ZNF490: variants seen among roughly 807,000 people sequenced by gnomAD.
ZNF490 encodes zinc finger protein 490.
A neutral mutation model predicts 17.7 loss-of-function variants in ZNF490; 11 were observed. The observed-to-expected ratio is 0.62, with a 90% CI of 0.39 to 1.03. The LOEUF is 1.03. Ranked by LOEUF, ZNF490 falls within the 50% of genes least tolerant of loss-of-function variation. ZNF490 has a pLI of 0.00. For synonymous variants in ZNF490, 222 were observed against 216.1 expected, an observed-to-expected ratio of 1.03 and a Z score of -0.24; for missense variants, 542 against 643.4, an observed-to-expected ratio of 0.84 and a Z score of 1.71.
chr19:12,578,274 C>T lies in ZNF490; in HGVS notation c.*2211G>A, dbSNP rs1217315736. The T allele has an allele frequency of 1.0e-6, 1 of 985,456 alleles. No individual in the cohort carries two copies. The highest frequency in any genetic ancestry group is 1.2e-6 in the Non-Finnish European group (1 of 830,068). 61.0% of individuals were successfully genotyped at this position (985,456 alleles called of 1,614,324 possible). ...AAGCAAGTTAGGGGAGGTAAGAATT[C>T]TGAGTGTCCTACAGCTAAGACATGG... On this transcript the variant is annotated 3_prime_UTR_variant, in exon 5 of 5. Transcript: ENST00000311437.
chr19:12,588,211 C>A (rs921939053), intron 2 of ZNF490, among the ~76,000 whole-genome samples: 3 of 151,754 alleles, frequency 2.0e-5, no homozygotes, highest in Non-Finnish European at 4.4e-5. Flanking sequence ...GTTGGTTAGG[C>A]TGGTGGCAAA....
intron 2 of ZNF490, among the ~76,000 whole-genome samples, chr19:12,588,278 T>A (rs2022825808): frequency 1.3e-5 from 2 of 152,200 alleles, no homozygotes; most frequent in African/African-American, 4.8e-5. Context: ...ATTACAAGCA[T>A]GAACCACCAT....
chr19:12,582,288 C>T (rs1374946115), intron 4 of ZNF490, among the ~76,000 whole-genome samples: 5 of 151,548 alleles, frequency 3.3e-5, no homozygotes, highest in African/African-American at 9.7e-5. Flanking sequence ...GACAGGTTTT[C>T]ACTATGTTGA....
In ZNF490 at chr19:12,577,648, T is replaced by C; in HGVS notation, c.*2837A>G. On this transcript the variant is annotated 3_prime_UTR_variant, in exon 5 of 5. Coordinates refer to ENST00000311437, the MANE Select transcript of ZNF490 (RefSeq NM_020714.3). ...GGCCTCATCTGCCAGCAAACCTTGC[T>C]CCAGTCGGCCTCTGGACCCTAGTAT... 1 of 985,420 alleles carries C rather than the reference T, an allele frequency of 1.0e-6. No individual in the cohort carries two copies. The highest frequency in any genetic ancestry group is 4.7e-5 in the South Asian group (1 of 21,290). The allele number at this position is 985,420 out of a possible 1,614,324, so 61.0% of individuals were successfully genotyped here.
intron 2 of ZNF490, among the ~76,000 whole-genome samples, chr19:12,599,959 T>C (rs2022981774): frequency 2.0e-5 from 3 of 152,208 alleles, no homozygotes; most frequent in African/African-American, 7.2e-5. Flanking sequence ...AACACTAACC[T>C]GCTCTTTAAC....
intron 2 of ZNF490, among the ~76,000 whole-genome samples, chr19:12,603,289 C>A (rs2023028590): frequency 6.6e-6 from 1 of 152,010 alleles, no homozygotes; most frequent in East Asian, 1.9e-4. Flanking sequence ...GAGTTCAAGA[C>A]CAGCCTGGGC....
chr19:12,600,790 T>A (rs1461642047), intron 2 of ZNF490, among the ~76,000 whole-genome samples: 1 of 152,124 alleles, frequency 6.6e-6, no homozygotes, highest in East Asian at 1.9e-4. Context: ...TTAGATAACT[T>A]TGGAGATTGT....
intron 2 of ZNF490, among the ~76,000 whole-genome samples, chr19:12,598,477 C>T (rs2022961753): frequency 1.3e-5 from 2 of 150,676 alleles, no homozygotes; most frequent in South Asian, 4.2e-4. Context: ...CGGGTTCAAG[C>T]GATTCTCCCG....
chr19:12,609,060 C>T (rs890782605), intron 2 of ZNF490, 98 bp downstream of exon 2: 9 of 1,219,132 alleles, frequency 7.4e-6, no homozygotes, highest in African/African-American at 1.5e-5. Flanking sequence ...CACAAAGACC[C>T]GAAAGACCCC....
rs1052538401 is a variant in ZNF490 at position 12,578,187 on chromosome 19, G to A, written c.*2298C>T. ...TGACATGCACTGACGTGAGAAGGCC[G>A]GAGCATCATCAGTGCATATGCCGCT... On this transcript the variant is annotated 3_prime_UTR_variant, in exon 5 of 5. Transcript: ENST00000311437. 49 of 985,326 alleles carry A rather than the reference G, an allele frequency of 5.0e-5. No homozygotes were observed. The African/African-American group carries it at 7.0e-4, about 14-fold the overall frequency. The allele number at this position is 985,326 out of a possible 1,614,324, so 61.0% of individuals were successfully genotyped here. A position where few individuals can be genotyped will look rare whatever the true frequency, so the allele number is the denominator to read the frequency against.
chr19:12,579,313 G>C lies in ZNF490; in HGVS notation c.*1172C>G, dbSNP rs528757464. On this transcript the variant is annotated 3_prime_UTR_variant, in exon 5 of 5. Transcript: ENST00000311437. ...CGCCTGTAATCCCAGCACTTTGGGA[G>C]GCCAAGGCAGGTGGATTACCTGAGG... is the stretch of plus-strand genomic sequence containing the variant. The C allele has an allele frequency of 6.6e-6, 1 of 151,764 alleles. No homozygotes were observed. Among genetic ancestry groups the C allele is most frequent in the African/African-American group, 2.4e-5 (1 of 41,358 alleles). The allele number at this position is 151,764 out of a possible 1,614,324, so 9.4% of individuals were successfully genotyped here. A position where few individuals can be genotyped will look rare whatever the true frequency, so the allele number is the denominator to read the frequency against.
chr19:12,593,576 A>G (rs944861014), intron 2 of ZNF490, among the ~76,000 whole-genome samples: 1 of 152,172 alleles, frequency 6.6e-6, no homozygotes, highest in African/African-American at 2.4e-5. Flanking sequence ...CTTTTACTAC[A>G]AAGGTGCAAC....
rs922152276 is a variant in ZNF490, at chr19:12,576,826, A to C, written c.*3659T>G. On this transcript the variant is annotated 3_prime_UTR_variant, in exon 5 of 5. Coordinates refer to ENST00000311437, the MANE Select transcript of ZNF490 (RefSeq NM_020714.3). Reference sequence around the variant, plus strand: ...GAGAATCCATCTCAAAAAAAAAAAAAAAAAAAAAAACCTAAAAGCATTCCA... The same window carrying C: ...GAGAATCCATCTCAAAAAAAAAAAACAAAAAAAAAACCTAAAAGCATTCCA... Among the ~76,000 whole-genome samples the C allele has an allele frequency of 6.0e-5, 9 of 151,128 alleles. No homozygotes were observed. Among genetic ancestry groups the C allele is most frequent in the Non-Finnish European group, 1.2e-4 (8 of 67,822 alleles).
Position 12,578,143 on chromosome 19 carries a change from T to C in ZNF490, c.*2342A>G. ...TCTTAGCGGGAGGCTAGGAAACCAG[T>C]CCTGGAGCAGGATGCATGTGACATG... On this transcript the variant is annotated 3_prime_UTR_variant, in exon 5 of 5. Transcript: ENST00000311437. 1.0e-6 allele frequency: 1 copy of C among 985,458 alleles called. No homozygotes were observed. Among genetic ancestry groups the C allele is most frequent in the Non-Finnish European group, 1.2e-6 (1 of 830,026 alleles). The allele number at this position is 985,458 out of a possible 1,614,324, so 61.0% of individuals were successfully genotyped here. A position where few individuals can be genotyped will look rare whatever the true frequency, so the allele number is the denominator to read the frequency against.
intron 2 of ZNF490, among the ~76,000 whole-genome samples, chr19:12,590,774 T>A (rs1012527556): frequency 6.6e-6 from 1 of 152,118 alleles, no homozygotes; most frequent in African/African-American, 2.4e-5. Context: ...AGTCAACTGA[T>A]CTTTGATGAA....
At position 12,576,878 on chromosome 19, in the gene ZNF490, TAC is replaced by T. The variant is rs1023309898; in HGVS notation, c.*3605_*3606del. On this transcript the variant is annotated 3_prime_UTR_variant, in exon 5 of 5. Transcript: ENST00000311437. ...ATTTAAAAATATATATAAATATATA[TAC>T]ACACAGCCCTCTAGACAAATATACA... Among the ~76,000 whole-genome samples, 20 of 138,312 alleles carry T rather than the reference TAC, an allele frequency of 1.4e-4. No homozygotes were observed. Among genetic ancestry groups the T allele is most frequent in the African/African-American group, 3.1e-4 (11 of 36,050 alleles). The allele number at this position is 138,312 out of a possible 152,430, so 90.7% of individuals were successfully genotyped here.
At chr19:12,589,181 T>C (rs897814995) in intron 2 of ZNF490, among the ~76,000 whole-genome samples, 2 of 151,822 alleles carry the variant, frequency 1.3e-5, no homozygotes, top group Admixed American at 1.3e-4. Context: ...ACAAAAATAC[T>C]CTCTCATGTA....
At chr19:12,600,690 A>G (rs952250852) in intron 2 of ZNF490, among the ~76,000 whole-genome samples, 5 of 152,180 alleles carry the variant, frequency 3.3e-5, no homozygotes, top group Non-Finnish European at 5.9e-5. Flanking sequence ...TTTGTCATCC[A>G]TAAATAATTG....
Position 12,577,884 on chromosome 19 carries a change from G to A in ZNF490, c.*2601C>T. ...AAACACACTGACTTGCTAAGAAAAG[G>A]GGGGACTGACTCCAACAAAGGACAG... On this transcript the variant is annotated 3_prime_UTR_variant, in exon 5 of 5. Transcript: ENST00000311437. The A allele has an allele frequency of 9.1e-6, 9 of 985,404 alleles. No individual in the cohort carries two copies. The highest frequency in any genetic ancestry group is 1.7e-5 in the African/African-American group (1 of 57,366). 61.0% of individuals were successfully genotyped at this position (985,404 alleles called of 1,614,324 possible).
Sources: allele counts gnomAD v4.1 joint callset (sites outside exome capture counted in the v4.1 genomes callset), GRCh38; gene constraint gnomAD v4.1.1; transcripts MANE v1.5; gene names NCBI Gene and HGNC (gene_info 2026-07-23, HGNC 2026-07-21).